SLC25A26: variants seen among roughly 807,000 people sequenced by gnomAD.
SLC25A26 encodes mitochondrial S-adenosylmethionine carrier protein.
Under a neutral mutation model 37.8 loss-of-function variants are expected in SLC25A26, and 36 were observed. That is an observed-to-expected ratio of 0.95 (90% CI 0.73 to 1.26). SLC25A26 has a LOEUF of 1.26. Ranked by LOEUF, SLC25A26 falls within the 50% of genes most tolerant of loss-of-function variation. The pLI is 0.00. For synonymous variants in SLC25A26, 129 were observed against 122.5 expected, an observed-to-expected ratio of 1.05 and a Z score of -0.35; for missense variants, 390 against 331.1, an observed-to-expected ratio of 1.18 and a Z score of -1.38.
intron 5 of SLC25A26, among the ~76,000 whole-genome samples, chr3:66,291,143 G>C (rs1252262852): frequency 6.6e-6 from 1 of 152,152 alleles, no homozygotes; most frequent in African/African-American, 2.4e-5. Context: ...TTGTATTTCT[G>C]TGGGTTCAGT....
At chr3:66,209,017 TATATACAC>T (rs1576639286) in intron 1 of SLC25A26, among the ~76,000 whole-genome samples, 52 of 121,002 alleles carry the variant, frequency 4.3e-4, no homozygotes, top group East Asian at 1.3e-3. Flanking sequence ...GGTATATATA[TATATACAC>T]ACCCATATAA....
intron 1 of SLC25A26, among the ~76,000 whole-genome samples, chr3:66,204,389 G>T (rs1343992819): frequency 8.0e-6 from 1 of 125,110 alleles, no homozygotes; most frequent in East Asian, 2.6e-4. Flanking sequence ...TCGCGCCACT[G>T]CACTCCAGCC....
rs2306496 is a variant in SLC25A26, at chr3:66,261,753, G to A, written c.301-298G>A. On this transcript the variant is annotated intron_variant, in intron 3 of 9. Coordinates refer to ENST00000354883, the MANE Select transcript of SLC25A26 (RefSeq NM_001379210.1). ...TTGCAGTTCTGGGCGTTGGGGATTCGAAATGAGTAAATGTGCTTCTTGCCG... is the reference window on the plus strand; with the variant it reads ...TTGCAGTTCTGGGCGTTGGGGATTCAAAATGAGTAAATGTGCTTCTTGCCG... The A allele has an allele frequency of 8.5e-5, 19 of 223,098 alleles. No homozygotes were observed. The South Asian group carries it at 1.3e-3, about 15-fold the overall frequency. 13.8% of individuals were successfully genotyped at this position (223,098 alleles called of 1,614,324 possible). A position where few individuals can be genotyped will look rare whatever the true frequency, so the allele number is the denominator to read the frequency against.
intron 1 of SLC25A26, among the ~76,000 whole-genome samples, chr3:66,135,480 A>G (rs1327844309): frequency 1.3e-5 from 2 of 152,158 alleles, no homozygotes; most frequent in Non-Finnish European, 2.9e-5. Context: ...TTAATTGTGA[A>G]CAATTGGCTG....
intron 1 of SLC25A26, among the ~76,000 whole-genome samples, chr3:66,141,313 G>C (rs2070030667): frequency 6.6e-6 from 1 of 151,298 alleles, no homozygotes; most frequent in African/African-American, 2.4e-5. Context: ...ATGTGGTCTG[G>C]CCTCGAGGGC....
At chr3:66,294,751 C>T (rs904492601) in intron 5 of SLC25A26, among the ~76,000 whole-genome samples, 1 of 152,292 alleles carries the variant, frequency 6.6e-6, no homozygotes, top group Non-Finnish European at 1.5e-5. Context: ...AGTTAACACT[C>T]TGTCTACTAT....
chr3:66,317,387 G>A (rs12638869), intron 5 of SLC25A26, among the ~76,000 whole-genome samples: 41,608 of 151,894 alleles, frequency 0.27, 6,636 homozygotes, highest in East Asian at 0.68. Flanking sequence ...CAGTGTGCTG[G>A]GGGTCCATTC....
intron 1 of SLC25A26, 75 bp from the exon 2 acceptor site, chr3:66,236,469 C>G: frequency 8.3e-7 from 1 of 1,204,324 alleles, no homozygotes; most frequent in African/African-American, 1.5e-5. Context: ...TTCCTATCTT[C>G]GCCCCCAAGT....
intron 5 of SLC25A26, among the ~76,000 whole-genome samples, chr3:66,314,719 T>C (rs1170569194): frequency 6.6e-6 from 1 of 152,090 alleles, no homozygotes; most frequent in African/African-American, 2.4e-5. Context: ...ATATTTCTGG[T>C]AGAATTCAGC....
At chr3:66,161,947 G>A (rs2070365305) in intron 1 of SLC25A26, among the ~76,000 whole-genome samples, 1 of 152,162 alleles carries the variant, frequency 6.6e-6, no homozygotes, top group Non-Finnish European at 1.5e-5. Flanking sequence ...AGCTGGTCTC[G>A]GGGAATTCAT....
chr3:66,307,273 T>A (rs2075252876), intron 5 of SLC25A26, among the ~76,000 whole-genome samples: 1 of 152,260 alleles, frequency 6.6e-6, no homozygotes, highest in Non-Finnish European at 1.5e-5. Context: ...GAGCTTTTTT[T>A]CATTTGTTTG....
chr3:66,337,451 T>A (rs1319606583), intron 5 of SLC25A26, among the ~76,000 whole-genome samples: 2 of 152,086 alleles, frequency 1.3e-5, no homozygotes, highest in Non-Finnish European at 2.9e-5. Context: ...GAGGGACAGT[T>A]AAATATTATG....
intron 5 of SLC25A26, among the ~76,000 whole-genome samples, chr3:66,284,812 C>CA (rs1392158925): frequency 6.6e-6 from 1 of 152,100 alleles, no homozygotes; most frequent in Non-Finnish European, 1.5e-5. Context: ...ATCAAGAAAA[C>CA]ACGGCGAAAG....
chr3:66,358,259 GATT>G (rs1575606143), intron 6 of SLC25A26, among the ~76,000 whole-genome samples: 2 of 152,052 alleles, frequency 1.3e-5, no homozygotes, highest in Non-Finnish European at 2.9e-5. Flanking sequence ...GTCACTTTCT[GATT>G]ATTGTTGTTT....
intron 1 of SLC25A26, among the ~76,000 whole-genome samples, chr3:66,229,179 C>G (rs1023039407): frequency 1.3e-5 from 2 of 152,094 alleles, no homozygotes; most frequent in Non-Finnish European, 2.9e-5. Context: ...TGATTAAGGC[C>G]TAGGCATTTT....
chr3:66,153,406 C>T (rs996540372), intron 1 of SLC25A26, among the ~76,000 whole-genome samples: 10 of 152,062 alleles, frequency 6.6e-5, no homozygotes, highest in African/African-American at 2.2e-4. Flanking sequence ...GCTTTATTGC[C>T]CTTAAGAATT....
chr3:66,322,490 C>G (rs896321219), intron 5 of SLC25A26, among the ~76,000 whole-genome samples: 1 of 152,188 alleles, frequency 6.6e-6, no homozygotes, highest in Non-Finnish European at 1.5e-5. Context: ...CACAGATACA[C>G]TTTTTAGCTT....
At chr3:66,191,046 A>T (rs1228059640) in intron 1 of SLC25A26, among the ~76,000 whole-genome samples, 1 of 83,192 alleles carries the variant, frequency 1.2e-5, no homozygotes, top group Non-Finnish European at 2.4e-5. Flanking sequence ...AGTTTCAGAC[A>T]TTCCTCTCAA....
chr3:66,348,519 A>G (rs1221342262), intron 6 of SLC25A26, among the ~76,000 whole-genome samples: 2 of 152,192 alleles, frequency 1.3e-5, no homozygotes, highest in African/African-American at 2.4e-5. Context: ...AGCTAATACA[A>G]AAATAAAGGA....
Sources: gnomAD v4.1 joint callset for allele counts (sites outside exome capture counted in the v4.1 genomes callset) on GRCh38, gnomAD v4.1.1 for gene constraint, MANE v1.5 for transcripts, NCBI Gene and HGNC (gene_info 2026-07-23, HGNC 2026-07-21) for gene names.